KSR2: variants seen among roughly 807,000 people sequenced by gnomAD.
KSR2 encodes kinase suppressor of ras 2.
KSR2 carries 25 observed loss-of-function variants against 107.8 expected under a neutral mutation model. The ratio of observed to expected loss-of-function variants is 0.23; its 90% CI spans 0.17 to 0.32. The LOEUF is 0.32. Among genes scored for constraint, KSR2 ranks in the 10% least tolerant of loss-of-function variants. The pLI is 1.00. For missense variants in KSR2, 887 were observed against 1,268.9 expected, an observed-to-expected ratio of 0.70 and a Z score of 4.57; for synonymous variants, 480 against 507.0, an observed-to-expected ratio of 0.95 and a Z score of 0.71.
chr12:117,523,743 C>A (rs892089907), intron 14 of KSR2, among the ~76,000 whole-genome samples: 1 of 152,150 alleles, frequency 6.6e-6, no homozygotes, highest in Non-Finnish European at 1.5e-5. Flanking sequence ...GAGGCCAAGG[C>A]GGGCGGATCA....
intron 3 of KSR2, among the ~76,000 whole-genome samples, chr12:117,820,595 A>G (rs1891531340): frequency 2.0e-5 from 3 of 152,188 alleles, no homozygotes. Context: ...AAGAAATAGG[A>G]AGACTTCGGG....
chr12:117,543,736 AAAC>A (rs1876663562), intron 9 of KSR2, among the ~76,000 whole-genome samples: 1 of 152,222 alleles, frequency 6.6e-6, no homozygotes, highest in Non-Finnish European at 1.5e-5. Flanking sequence ...GAGTGGGTTA[AAAC>A]AACAGAAATT....
chr12:117,526,774 C>T (rs1227612737), intron 13 of KSR2, among the ~76,000 whole-genome samples: 1 of 151,964 alleles, frequency 6.6e-6, no homozygotes, highest in Non-Finnish European at 1.5e-5. Flanking sequence ...CAGCGGGGCA[C>T]ATCCCCCTTG....
intron 5 of KSR2, among the ~76,000 whole-genome samples, chr12:117,598,146 C>T (rs1181161817): frequency 6.6e-6 from 1 of 152,202 alleles, no homozygotes; most frequent in Non-Finnish European, 1.5e-5. Flanking sequence ...CTCCCATTCC[C>T]TCTGGGTCCC....
At chr12:117,692,655 T>A (rs2136579300) in intron 4 of KSR2, among the ~76,000 whole-genome samples, 1 of 151,644 alleles carries the variant, frequency 6.6e-6, no homozygotes, top group Non-Finnish European at 1.5e-5. Context: ...ACAACCCAAA[T>A]GTCCATCAAC....
intron 16 of KSR2, among the ~76,000 whole-genome samples, chr12:117,478,004 A>C (rs1353781898): frequency 6.6e-6 from 1 of 151,022 alleles, no homozygotes; most frequent in African/African-American, 2.4e-5. Context: ...ATCTAAGCAG[A>C]CCCCCTCTGA....
intron 12 of KSR2, among the ~76,000 whole-genome samples, chr12:117,530,450 C>T (rs1875534468): frequency 6.6e-6 from 1 of 152,012 alleles, no homozygotes; most frequent in South Asian, 2.1e-4. Context: ...GGCTGTGTTC[C>T]AATAAAACTT....
chr12:117,793,079 C>T (rs552797308), intron 3 of KSR2, among the ~76,000 whole-genome samples: 62 of 148,850 alleles, frequency 4.2e-4, no homozygotes, highest in African/African-American at 1.4e-3. Context: ...CAGGCACACA[C>T]TCTCACACCA....
chr12:117,611,598 T>C (rs1309131787), intron 5 of KSR2, among the ~76,000 whole-genome samples: 1 of 152,092 alleles, frequency 6.6e-6, no homozygotes, highest in Non-Finnish European at 1.5e-5. Context: ...ACATCTGGGG[T>C]ACTCAAGAGC....
At chr12:117,967,711 C>A (rs545189257) in intron 1 of KSR2, among the ~76,000 whole-genome samples, 1 of 151,958 alleles carries the variant, frequency 6.6e-6, no homozygotes, top group African/African-American at 2.4e-5. Flanking sequence ...CACAAGCCCC[C>A]GTGGCATATA....
At chr12:117,777,085 A>AC (rs1889711752) in intron 3 of KSR2, among the ~76,000 whole-genome samples, 2 of 94,506 alleles carry the variant, frequency 2.1e-5, no homozygotes, top group Admixed American at 1.1e-4. Flanking sequence ...TAATATATAT[A>AC]TTTTATATAT....
At chr12:117,903,280 T>C (rs1439433985) in intron 1 of KSR2, among the ~76,000 whole-genome samples, 1 of 152,246 alleles carries the variant, frequency 6.6e-6, no homozygotes, top group Non-Finnish European at 1.5e-5. Flanking sequence ...GGCCCACAGC[T>C]GGCTGTGGGT....
chr12:117,690,269 G>A (rs1298971189), intron 4 of KSR2, among the ~76,000 whole-genome samples: 1 of 152,172 alleles, frequency 6.6e-6, no homozygotes, highest in African/African-American at 2.4e-5. Context: ...GTTGTTGAAA[G>A]AATGGGGAAA....
intron 5 of KSR2, among the ~76,000 whole-genome samples, chr12:117,620,467 C>G (rs528085833): frequency 1.7e-4 from 26 of 152,276 alleles, no homozygotes; most frequent in African/African-American, 5.8e-4. Flanking sequence ...TTAGGGACCA[C>G]ACATTTGTGT....
intron 1 of KSR2, among the ~76,000 whole-genome samples, chr12:117,913,899 G>A (rs1895099126): frequency 6.6e-6 from 1 of 152,096 alleles, no homozygotes; most frequent in African/African-American, 2.4e-5. Flanking sequence ...ATGTTTTATT[G>A]TCTGCCCACA....
chr12:117,539,765 G>C lies in KSR2; in HGVS notation c.1641C>G (p.His547Gln). 3 of 1,608,894 alleles carry C rather than the reference G, an allele frequency of 1.9e-6. No individual in the cohort carries two copies. Among genetic ancestry groups the C allele is most frequent in the Non-Finnish European group, 2.5e-6 (3 of 1,178,322 alleles). The change falls in exon 10 of 20, where the codon CAC becomes CAG. Residue 547 changes from histidine to glutamine, a missense_variant. His to Gln is a conservative substitution (Grantham distance 24). Coordinates refer to ENST00000339824, the MANE Select transcript of KSR2 (RefSeq NM_173598.6). ...GCTGCCGTGTGCACTGTGGGGAAGG[G>C]TGTAGGGGAGAAGGCGGCGTGGCAC... is the stretch of plus-strand genomic sequence containing the variant. Reference protein sequence around the residue: ...PPSATPPSPLHPSPQCTRQQK... With the variant: ...PPSATPPSPLQPSPQCTRQQK...
intron 7 of KSR2, among the ~76,000 whole-genome samples, chr12:117,574,457 G>A (rs920162996): frequency 2.0e-5 from 3 of 152,134 alleles, no homozygotes; most frequent in East Asian, 1.9e-4. Context: ...GGCTGGGGAG[G>A]CCTCATAATC....
chr12:117,890,680 T>C (rs1248429542), intron 1 of KSR2: 1 of 152,220 alleles, frequency 6.6e-6, no homozygotes, highest in African/African-American at 2.4e-5. Context: ...TGCATTTGAT[T>C]GCATTTGATC....
At chr12:117,497,172 C>A (rs1011822341) in intron 14 of KSR2, among the ~76,000 whole-genome samples, 1 of 152,122 alleles carries the variant, frequency 6.6e-6, no homozygotes, top group Non-Finnish European at 1.5e-5. Context: ...GCCACTGTGC[C>A]AGGCCAAAGA....
Sources: gnomAD v4.1 joint callset for allele counts (sites outside exome capture counted in the v4.1 genomes callset) on GRCh38, gnomAD v4.1.1 for gene constraint, MANE v1.5 for transcripts, NCBI Gene and HGNC (gene_info 2026-07-23, HGNC 2026-07-21) for gene names.